Variants in DNER observed in about 807,000 individuals in gnomAD.
The protein encoded by DNER is delta/notch like EGF repeat containing, also known as delta and Notch-like epidermal growth factor-related receptor.
A neutral mutation model predicts 78.2 loss-of-function variants in DNER; 33 were observed. That is an observed-to-expected ratio of 0.42 (90% confidence interval 0.32 to 0.56). DNER has a LOEUF of 0.56. Ranked by LOEUF, DNER falls within the 20% of genes least tolerant of loss-of-function variation. DNER has a pLI of 0.11. For missense variants in DNER, 918 were observed against 975.3 expected, an observed-to-expected ratio of 0.94 and a Z score of 0.78; for synonymous variants, 417 against 384.8, an observed-to-expected ratio of 1.08 and a Z score of -0.98.
chr2:229,488,430 G>A (rs1435619820), intron 6 of DNER, among the ~76,000 whole-genome samples: 1 of 152,230 alleles, frequency 6.6e-6, no homozygotes, highest in Non-Finnish European at 1.5e-5. Flanking sequence ...GTGTATACAT[G>A]TGTGTGCATG....
intron 5 of DNER, among the ~76,000 whole-genome samples, chr2:229,518,240 C>T (rs1375547263): frequency 1.3e-5 from 2 of 152,200 alleles, no homozygotes; most frequent in Non-Finnish European, 2.9e-5. Flanking sequence ...GATAATTTAA[C>T]TTAAACTGGA....
chr2:229,515,653 T>A (rs987810469), intron 5 of DNER, among the ~76,000 whole-genome samples: 17 of 149,796 alleles, frequency 1.1e-4, no homozygotes, highest in Non-Finnish European at 2.1e-4. Flanking sequence ...TTTTATTTTT[T>A]TTTTTTTGAG....
chr2:229,555,797 A>T (rs1278350146), intron 4 of DNER, among the ~76,000 whole-genome samples: 1 of 151,734 alleles, frequency 6.6e-6, no homozygotes, highest in African/African-American at 2.4e-5. Flanking sequence ...AAAAAAAAAA[A>T]AATTGCTTAC....
intron 5 of DNER, among the ~76,000 whole-genome samples, chr2:229,519,185 C>G (rs569031644): frequency 4.6e-5 from 7 of 152,092 alleles, no homozygotes; most frequent in Non-Finnish European, 1.0e-4. Context: ...CCCCCTAACA[C>G]AGCACTCAGA....
At chr2:229,368,199 C>CA (rs1401091628) in intron 11 of DNER, among the ~76,000 whole-genome samples, 3 of 152,050 alleles carry the variant, frequency 2.0e-5, no homozygotes, top group Non-Finnish European at 4.4e-5. Flanking sequence ...CGTTTCTCTA[C>CA]AAAAAATACA....
At chr2:229,378,374 G>A (rs1200153208) in intron 11 of DNER, among the ~76,000 whole-genome samples, 3 of 152,216 alleles carry the variant, frequency 2.0e-5, no homozygotes, top group Non-Finnish European at 4.4e-5. Context: ...GAAGGCAGCT[G>A]TGCTAAAATC....
intron 9 of DNER, among the ~76,000 whole-genome samples, chr2:229,407,864 A>G (rs1264291527): frequency 6.6e-6 from 1 of 152,208 alleles, no homozygotes; most frequent in Non-Finnish European, 1.5e-5. Context: ...TGTCTAATTT[A>G]TTCCTCACAA....
At chr2:229,654,918 T>A (rs965325958) in intron 1 of DNER, among the ~76,000 whole-genome samples, 2 of 152,204 alleles carry the variant, frequency 1.3e-5, no homozygotes, top group African/African-American at 4.8e-5. Context: ...GTTGGTTTTA[T>A]AGTCTTAAAC....
chr2:229,462,679 T>A (rs1694728142), intron 7 of DNER, among the ~76,000 whole-genome samples: 1 of 152,120 alleles, frequency 6.6e-6, no homozygotes. Flanking sequence ...ACAGCAATAA[T>A]CATTTTCTTA....
intron 6 of DNER, among the ~76,000 whole-genome samples, chr2:229,482,617 G>A (rs957745281): frequency 6.6e-6 from 1 of 152,186 alleles, no homozygotes; most frequent in Admixed American, 6.5e-5. Flanking sequence ...GGACCAGAAA[G>A]AATCATGAGA....
At chr2:229,572,387 C>A (rs111245975) in intron 4 of DNER, among the ~76,000 whole-genome samples, 3 of 152,304 alleles carry the variant, frequency 2.0e-5, no homozygotes, top group African/African-American at 7.2e-5. Context: ...ATCTCAAAAT[C>A]ATTAACGTCT....
intron 10 of DNER, among the ~76,000 whole-genome samples, chr2:229,393,418 T>A (rs112761160): frequency 0.055 from 8,227 of 150,818 alleles, 283 homozygotes; most frequent in Middle Eastern, 0.086. Context: ...AGAGTGAGAC[T>A]CCGTCTCAAA....
At chr2:229,690,318 T>G (rs1699548522) in intron 1 of DNER, among the ~76,000 whole-genome samples, 1 of 152,212 alleles carries the variant, frequency 6.6e-6, no homozygotes, top group Non-Finnish European at 1.5e-5. Context: ...AAGCAAAATA[T>G]GTCTTGCAGG....
chr2:229,495,120 G>A (rs1172800485), intron 6 of DNER, among the ~76,000 whole-genome samples: 18 of 152,118 alleles, frequency 1.2e-4, no homozygotes, highest in African/African-American at 4.8e-5. Context: ...CCTTTTCAAT[G>A]CATCTCTCTC....
chr2:229,603,801 T>C (rs138521837), intron 1 of DNER, among the ~76,000 whole-genome samples: 41 of 152,368 alleles, frequency 2.7e-4, no homozygotes, highest in Middle Eastern at 3.4e-3. Flanking sequence ...TTTTGTGCTT[T>C]GCAATTTTGG....
At chr2:229,499,329 C>A (rs917351441) in intron 6 of DNER, among the ~76,000 whole-genome samples, 3 of 151,200 alleles carry the variant, frequency 2.0e-5, no homozygotes, top group African/African-American at 7.3e-5. Context: ...CCTGTAGTCC[C>A]AGCTACTCAG....
intron 1 of DNER, among the ~76,000 whole-genome samples, chr2:229,676,800 G>T (rs546645448): frequency 5.3e-4 from 81 of 152,214 alleles, no homozygotes; most frequent in Admixed American, 1.0e-3. Context: ...TTCTCATGTA[G>T]ACCTGCTTCC....
At chr2:229,586,061 C>T (rs1697489751) in intron 3 of DNER, 37 bp from the exon 4 acceptor site, 1 of 1,564,676 alleles carries the variant, frequency 6.4e-7, no homozygotes, top group East Asian at 2.3e-5. Context: ...AAGCTCCTTT[C>T]AGAAAAATTC....
chr2:229,639,550 G>A (rs973127168), intron 1 of DNER, among the ~76,000 whole-genome samples: 3 of 151,960 alleles, frequency 2.0e-5, no homozygotes, highest in Non-Finnish European at 4.4e-5. Context: ...CACCACTCCC[G>A]GCTTCCTCCA....
Sources: gnomAD v4.1 joint callset for allele counts (sites outside exome capture counted in the v4.1 genomes callset) on GRCh38, gnomAD v4.1.1 for gene constraint, MANE v1.5 for transcripts, NCBI Gene and HGNC (gene_info 2026-07-23, HGNC 2026-07-21) for gene names.